Variants in INO80D observed in about 807,000 individuals in gnomAD.
The protein encoded by INO80D is INO80 complex subunit D.
A neutral mutation model predicts 87.6 loss-of-function variants in INO80D; 21 were observed. The observed-to-expected ratio is 0.24, with a 90% CI of 0.17 to 0.35. The LOEUF is 0.35. INO80D is among the 10% of genes least tolerant of loss of function. The pLI is 1.00. For synonymous variants in INO80D, 440 were observed against 491.0 expected (o/e 0.90, Z 1.37); for missense variants, 982 against 1,280.7 (o/e 0.77, Z 3.56).
rs1156443769 is a variant in INO80D, at chr2:206,000,982, ACCAGAGAAAATAATCCT to A, written c.*3369_*3385del. ...GCAGTTATATCACACATGGTAGGTC[ACCAGAGAAAATAATCCT>A]TTGCTGTCTAAGCTATGTGACGATA... On this transcript the variant is annotated 3_prime_UTR_variant, in exon 11 of 11. Coordinates refer to ENST00000403263, the MANE Select transcript of INO80D (RefSeq NM_017759.5). The A allele has an allele frequency of 1.3e-5, 2 of 152,210 alleles. No individual in the cohort carries two copies. Among genetic ancestry groups the A allele is most frequent in the Admixed American group, 6.5e-5 (1 of 15,276 alleles). The allele number at this position is 152,210 out of a possible 1,614,324, so 9.4% of individuals were successfully genotyped here.
chr2:206,048,136 TG>T, intron 4 of INO80D, among the ~76,000 whole-genome samples: 1 of 152,328 alleles, frequency 6.6e-6, no homozygotes, highest in Non-Finnish European at 1.5e-5. Context: ...ATTACAGGCG[TG>T]AGCCACCGTG....
intron 6 of INO80D, among the ~76,000 whole-genome samples, chr2:206,023,618 G>A (rs1292541029): frequency 6.6e-6 from 1 of 151,408 alleles, no homozygotes; most frequent in African/African-American, 2.4e-5. Context: ...AGGAGGTGGA[G>A]GTTGTGGTGA....
At chr2:206,022,664 C>T (rs971098967) in intron 6 of INO80D, among the ~76,000 whole-genome samples, 5 of 152,054 alleles carry the variant, frequency 3.3e-5, no homozygotes, top group African/African-American at 2.4e-5. Context: ...TCAATAAATA[C>T]GACAAAGTTA....
In INO80D at chr2:206,000,251, C is replaced by T. The variant is rs944687840; in HGVS notation, c.*4117G>A. 4 of 151,526 alleles carry T rather than the reference C, an allele frequency of 2.6e-5. 1 individual carries two copies. Among genetic ancestry groups the T allele is most frequent in the African/African-American group, 9.7e-5 (4 of 41,168 alleles). The allele number at this position is 151,526 out of a possible 1,614,324, so 9.4% of individuals were successfully genotyped here. A position where few individuals can be genotyped will look rare whatever the true frequency, so the allele number is the denominator to read the frequency against. ...AACTAATTTTTAATGAATTTCAAAC[C>T]TCTTAATAAGTTTAGTGTTCATATA... On this transcript the variant is annotated 3_prime_UTR_variant, in exon 11 of 11. Transcript: ENST00000403263.
chr2:206,070,489 G>A (rs1258272023), intron 1 of INO80D, among the ~76,000 whole-genome samples: 2 of 152,028 alleles, frequency 1.3e-5, no homozygotes, highest in African/African-American at 2.4e-5. Context: ...GGGAGGCCGA[G>A]GTGGGCGGAT....
chr2:206,074,186 T>C (rs1381940085), intron 1 of INO80D, among the ~76,000 whole-genome samples: 1 of 152,178 alleles, frequency 6.6e-6, no homozygotes, highest in Non-Finnish European at 1.5e-5. Context: ...TAAAGCACTT[T>C]AGAGCAGCAG....
intron 4 of INO80D, among the ~76,000 whole-genome samples, chr2:206,051,403 A>C (rs1415732060): frequency 1.3e-5 from 2 of 152,098 alleles, no homozygotes; most frequent in Non-Finnish European, 2.9e-5. Context: ...GGAAGCAAAA[A>C]ACAAAGGAGA....
At position 206,007,276 on chromosome 2, in the gene INO80D, G is replaced by A. The variant is rs766662188; in HGVS notation, c.1918+8C>T. 6.2e-7 allele frequency: 1 copy of A among 1,611,138 alleles called. No individual in the cohort carries two copies. Among genetic ancestry groups the A allele is most frequent in the East Asian group, 2.2e-5 (1 of 44,802 alleles). On this transcript the variant is annotated splice_region_variant and intron_variant, in intron 10 of 10. Transcript: ENST00000403263. ...ACCAGTTTCCTTGAGTCAAAATATT[G>A]ACTATACCTTCAAAAAAATCAAAAT...
rs1038038372 is a variant in INO80D at position 205,997,201 on chromosome 2, T to C, written c.*7167A>G. ...ACCAGATACTCCAGTAATAAATGTA[T>C]AGCAAAATAACAACTTAAAACTCAA... On this transcript the variant is annotated 3_prime_UTR_variant, in exon 11 of 11. Coordinates refer to ENST00000403263, the MANE Select transcript of INO80D (RefSeq NM_017759.5). The C allele has an allele frequency of 2.6e-5, 4 of 152,086 alleles. No homozygotes were observed. Among genetic ancestry groups the C allele is most frequent in the Non-Finnish European group, 4.4e-5 (3 of 67,974 alleles). The allele number at this position is 152,086 out of a possible 1,614,324, so 9.4% of individuals were successfully genotyped here. A position where few individuals can be genotyped will look rare whatever the true frequency, so the allele number is the denominator to read the frequency against.
chr2:206,041,461 G>A (rs184346204), intron 5 of INO80D, among the ~76,000 whole-genome samples: 50 of 152,292 alleles, frequency 3.3e-4, no homozygotes, highest in African/African-American at 1.1e-3. Context: ...CTGTTACTGG[G>A]ATATAGAGGA....
chr2:206,078,583 C>T (rs1040215760), intron 1 of INO80D, among the ~76,000 whole-genome samples: 3 of 152,088 alleles, frequency 2.0e-5, no homozygotes, highest in African/African-American at 7.2e-5. Context: ...ATCACTTGAG[C>T]CCCTTTGTTT....
rs1575785505 is a variant in INO80D at position 206,002,798 on chromosome 2, A to C, written c.*1570T>G. The C allele has an allele frequency of 6.6e-6, 1 of 152,316 alleles. No homozygotes were observed. The highest frequency in any genetic ancestry group is 1.5e-5 in the Non-Finnish European group (1 of 68,020). 9.4% of individuals were successfully genotyped at this position (152,316 alleles called of 1,614,324 possible). On this transcript the variant is annotated 3_prime_UTR_variant, in exon 11 of 11. Coordinates refer to ENST00000403263, the MANE Select transcript of INO80D (RefSeq NM_017759.5). The stretch of plus-strand genomic sequence containing the variant: ...GACAAATGAATTATTGAACCACATC[A>C]ATAGGTATGTTCTCTCAACTTTTAA...
At chr2:206,042,608 G>C (rs1689080484) in intron 5 of INO80D, among the ~76,000 whole-genome samples, 2 of 151,512 alleles carry the variant, frequency 1.3e-5, no homozygotes, top group African/African-American at 4.8e-5. Context: ...TTGAACTCGG[G>C]GGGCGGAGGT....
At chr2:206,064,967 G>A (rs1559461232) in intron 1 of INO80D, among the ~76,000 whole-genome samples, 1 of 151,828 alleles carries the variant, frequency 6.6e-6, no homozygotes, top group East Asian at 1.9e-4. Flanking sequence ...GAGAATGTAA[G>A]AAAAAAAAGT....
intron 5 of INO80D, among the ~76,000 whole-genome samples, chr2:206,036,491 C>A (rs1473947127): frequency 1.3e-5 from 2 of 152,102 alleles, no homozygotes; most frequent in African/African-American, 4.8e-5. Flanking sequence ...AATGGAAAAC[C>A]AAACATCCTA....
At position 206,062,067 on chromosome 2, in the gene INO80D, C is replaced by G. The variant is rs940540098; in HGVS notation, c.218+732G>C. Reference sequence around the variant, plus strand: ...TGAAAGATGAATAACCAGTATAAGACTCCTTTAAAAACAATTCCACTCTTT... The same window carrying G: ...TGAAAGATGAATAACCAGTATAAGAGTCCTTTAAAAACAATTCCACTCTTT... On this transcript the variant is annotated intron_variant, in intron 3 of 10. Coordinates refer to ENST00000403263, the MANE Select transcript of INO80D (RefSeq NM_017759.5). This position sits in a 1 kb window ranked among gnomAD's most constrained non-coding sequence, Gnocchi z 4.6. Among the ~76,000 whole-genome samples, 1 of 152,162 alleles carries G rather than the reference C, an allele frequency of 6.6e-6. No individual in the cohort carries two copies. The highest frequency in any genetic ancestry group is 2.4e-5 in the African/African-American group (1 of 41,448).
intron 4 of INO80D, among the ~76,000 whole-genome samples, chr2:206,047,269 C>A (rs1689221286): frequency 6.6e-6 from 1 of 151,926 alleles, no homozygotes; most frequent in African/African-American, 2.4e-5. Flanking sequence ...TAGGCTGGAG[C>A]ACAGTGTGGC....
In INO80D at chr2:206,075,639, T is replaced by C. The variant is rs543166139; in HGVS notation, c.-124+10262A>G. The stretch of plus-strand genomic sequence containing the variant: ...TTTAGTAGACACGAGGGTTTCACCA[T>C]GTTGGCCAGGCTGGTCTCAAACTCC... On this transcript the variant is annotated intron_variant, in intron 1 of 10. Coordinates refer to ENST00000403263, the MANE Select transcript of INO80D (RefSeq NM_017759.5). Among the ~76,000 whole-genome samples the C allele has an allele frequency of 2.6e-5, 4 of 151,840 alleles. No individual in the cohort carries two copies. The South Asian group carries it at 8.3e-4, about 32-fold the overall frequency.
In INO80D at chr2:206,004,844, G is replaced by T. The variant is rs1025645240; in HGVS notation, c.2608C>A (p.His870Asn). ...ACCTCAAGTTGGGTTGGGAGCAAGT[G>T]CTGCGCCATGATGGGCATCTCTGCT... ...FSAEMPIMAQ[H>N]LLPTQLEVPL... is the part of the protein sequence containing the mutation. Residue 870 changes from histidine to asparagine, a missense_variant, in exon 11 of 11, where the codon CAC becomes AAC. His to Asn is a moderately conservative substitution (Grantham distance 68, BLOSUM62 1). Transcript: ENST00000403263. This position sits in a 1 kb window ranked among gnomAD's most constrained non-coding sequence, Gnocchi z 4.9. The T allele has an allele frequency of 1.2e-6, 2 of 1,613,924 alleles. No individual in the cohort carries two copies. Among genetic ancestry groups the T allele is most frequent in the Non-Finnish European group, 8.5e-7 (1 of 1,179,906 alleles).
Sources: allele counts gnomAD v4.1 joint callset (sites outside exome capture counted in the v4.1 genomes callset), GRCh38; gene constraint gnomAD v4.1.1; non-coding constraint Gnocchi (gnomAD v3.1); transcripts MANE v1.5; gene names NCBI Gene and HGNC (gene_info 2026-07-23, HGNC 2026-07-21).